MTUS2: variants seen among roughly 807,000 people sequenced by gnomAD.
MTUS2 encodes microtubule associated scaffold protein 2.
Under a neutral mutation model 114.1 loss-of-function variants are expected in MTUS2, and 40 were observed. The ratio of observed to expected loss-of-function variants is 0.35; its 90% CI spans 0.27 to 0.46. The LOEUF is 0.46. Ranked by LOEUF, MTUS2 falls within the 20% of genes least tolerant of loss-of-function variation. The pLI is 1.00. For missense variants in MTUS2, 1,679 were observed against 1,705.4 expected, an observed-to-expected ratio of 0.98 and a Z score of 0.27; for synonymous variants, 688 against 672.0, an observed-to-expected ratio of 1.02 and a Z score of -0.37.
chr13:28,929,724 G>A (rs939404106), intron 2 of MTUS2, among the ~76,000 whole-genome samples: 3 of 152,204 alleles, frequency 2.0e-5, no homozygotes, highest in Admixed American at 6.5e-5. Context: ...TTACCCAACA[G>A]CAAACACTTC....
At chr13:29,362,988 T>C (rs1254841574) in intron 8 of MTUS2, among the ~76,000 whole-genome samples, 1 of 152,204 alleles carries the variant, frequency 6.6e-6, no homozygotes, top group East Asian at 1.9e-4. Context: ...CTTGTGCTGG[T>C]TGCAGGCAGC....
chr13:28,936,561 ATGGAG>A (rs1297634933), intron 2 of MTUS2, among the ~76,000 whole-genome samples: 2 of 152,012 alleles, frequency 1.3e-5, no homozygotes, highest in Admixed American at 1.3e-4. Context: ...GGGGAAGAAC[ATGGAG>A]TGCCTTCCTC....
intron 2 of MTUS2, among the ~76,000 whole-genome samples, chr13:28,947,423 C>G (rs1183655123): frequency 6.6e-6 from 1 of 152,134 alleles, no homozygotes; most frequent in Non-Finnish European, 1.5e-5. Context: ...GAATTTTATA[C>G]TTTTCTTTTG....
At chr13:29,198,840 G>A (rs1894814899) in intron 5 of MTUS2, among the ~76,000 whole-genome samples, 1 of 152,086 alleles carries the variant, frequency 6.6e-6, no homozygotes, top group Non-Finnish European at 1.5e-5. Flanking sequence ...TTGTGAATGG[G>A]AGTTCACTCA....
intron 9 of MTUS2, among the ~76,000 whole-genome samples, chr13:29,478,574 C>A (rs911253906): frequency 1.3e-5 from 2 of 152,268 alleles, no homozygotes; most frequent in African/African-American, 4.8e-5. Context: ...GAGTCTTTTT[C>A]CATCAATATT....
chr13:28,830,771 A>C (rs941911757), intron 1 of MTUS2, among the ~76,000 whole-genome samples: 7 of 152,182 alleles, frequency 4.6e-5, no homozygotes, highest in Non-Finnish European at 8.8e-5. Flanking sequence ...CTCAAGCAGC[A>C]AGAGAGAAGT....
intron 8 of MTUS2, among the ~76,000 whole-genome samples, chr13:29,383,250 G>GTATATATATATTTATTTATTTATTTA (rs763660299): frequency 7.8e-5 from 5 of 64,390 alleles, no homozygotes; most frequent in Non-Finnish European, 1.8e-4. Context: ...GTGTGTGTGT[G>GTATATATATATTTATTTATTTATTTA]TGTATTTATT....
At position 29,117,179 on chromosome 13, in the gene MTUS2, A is replaced by G. The variant is rs933713662; in HGVS notation, c.2644+16209A>G. The stretch of plus-strand genomic sequence containing the variant: ...TGAGCAAAGAATGAGCTATTTTACA[A>G]TCCTTTCCTTTCTTGATAGCCCCTC... On this transcript the variant is annotated intron_variant, in intron 5 of 15. Coordinates refer to ENST00000612955, the MANE Select transcript of MTUS2 (RefSeq NM_001033602.4). Among the ~76,000 whole-genome samples the G allele has an allele frequency of 9.2e-5, 14 of 152,192 alleles. No individual in the cohort carries two copies. The East Asian group carries it at 2.7e-3, about 29-fold the overall frequency.
At chr13:29,126,409 T>G (rs921869750) in intron 5 of MTUS2, among the ~76,000 whole-genome samples, 6 of 152,150 alleles carry the variant, frequency 3.9e-5, no homozygotes. Context: ...TCCACCACAC[T>G]ACAGAATTCC....
At chr13:29,213,772 C>T (rs1489721034) in intron 5 of MTUS2, among the ~76,000 whole-genome samples, 1 of 152,004 alleles carries the variant, frequency 6.6e-6, no homozygotes, top group Non-Finnish European at 1.5e-5. Flanking sequence ...ATATTTTTAT[C>T]CCATCTGAAA....
rs1230401961 is a variant in MTUS2 at position 29,025,213 on chromosome 13, T to C, written c.515T>C (p.Leu172Pro). 1.2e-6 allele frequency: 2 copies of C among 1,613,878 alleles called. No homozygotes were observed. Among genetic ancestry groups the C allele is most frequent in the Non-Finnish European group, 1.7e-6 (2 of 1,179,910 alleles). The change falls in exon 3 of 16, where the codon CTG becomes CCG. Residue 172 changes from leucine (L) to proline (P), a missense_variant. This residue lies in a region of MTUS2 where 843 missense variants were observed against 770.8 expected (regional missense o/e 1.09). Coordinates refer to ENST00000612955, the MANE Select transcript of MTUS2 (RefSeq NM_001033602.4). ...GCAAAGACCCTTGACAATGAGGAACTGAGGAGGCATTCTTTGGAAAGAGCA... is the reference window on the plus strand; with the variant it reads ...GCAAAGACCCTTGACAATGAGGAACCGAGGAGGCATTCTTTGGAAAGAGCA... Reference protein sequence around the residue: ...KLAKTLDNEELRRHSLERASS... With the variant: ...KLAKTLDNEEPRRHSLERASS...
At chr13:28,898,912 T>G (rs1879456805) in intron 2 of MTUS2, among the ~76,000 whole-genome samples, 1 of 152,166 alleles carries the variant, frequency 6.6e-6, no homozygotes, top group South Asian at 2.1e-4. Context: ...TATGGGTGCT[T>G]AAGGAAAATA....
At chr13:29,173,254 G>A (rs1893636183) in intron 5 of MTUS2, among the ~76,000 whole-genome samples, 1 of 152,104 alleles carries the variant, frequency 6.6e-6, no homozygotes, top group Non-Finnish European at 1.5e-5. Flanking sequence ...AAATTGAGAA[G>A]GGATGCTGTT....
At chr13:29,127,777 A>G (rs113060552) in intron 5 of MTUS2, among the ~76,000 whole-genome samples, 2,973 of 152,348 alleles carry the variant, frequency 0.02, 107 homozygotes, top group African/African-American at 0.068. Flanking sequence ...GCTCACTGGC[A>G]GGAGCCACAT....
intron 4 of MTUS2, among the ~76,000 whole-genome samples, chr13:29,092,993 A>G (rs1890030113): frequency 6.6e-6 from 1 of 151,968 alleles, no homozygotes; most frequent in Admixed American, 6.6e-5. Context: ...TGAGGTTTTG[A>G]TCTAAATTAC....
chr13:29,357,276 G>A (rs368537500), intron 7 of MTUS2, among the ~76,000 whole-genome samples: 12 of 152,266 alleles, frequency 7.9e-5, no homozygotes, highest in East Asian at 7.7e-4. Context: ...CCAAAAATGC[G>A]TGACAGTGTG....
chr13:29,261,727 A>G (rs1486159024), intron 5 of MTUS2, among the ~76,000 whole-genome samples: 1 of 152,248 alleles, frequency 6.6e-6, no homozygotes, highest in East Asian at 1.9e-4. Context: ...CAACTTCCAC[A>G]CTAAGCATAT....
intron 8 of MTUS2, among the ~76,000 whole-genome samples, chr13:29,365,949 C>T (rs1870675915): frequency 6.6e-6 from 1 of 152,146 alleles, no homozygotes; most frequent in Admixed American, 6.5e-5. Flanking sequence ...TTTCTCAGCC[C>T]CAGAACCTCT....
chr13:28,945,534 A>G (rs763184007), intron 2 of MTUS2, among the ~76,000 whole-genome samples: 6 of 152,198 alleles, frequency 3.9e-5, no homozygotes, highest in Non-Finnish European at 8.8e-5. Context: ...CTGGTGTAAG[A>G]TGATATCTCA....
Sources: gnomAD v4.1 joint callset for allele counts (sites outside exome capture counted in the v4.1 genomes callset) on GRCh38, gnomAD v4.1.1 for gene constraint, gnomAD v4.1.1 regional missense constraint, MANE v1.5 for transcripts, NCBI Gene and HGNC (gene_info 2026-07-23, HGNC 2026-07-21) for gene names.